PRELID2: variants seen among roughly 807,000 people sequenced by gnomAD.
The protein encoded by PRELID2 is PRELI domain containing 2.
A neutral mutation model predicts 28.4 loss-of-function variants in PRELID2; 25 were observed. The observed-to-expected ratio is 0.88, with a 90% confidence interval of 0.64 to 1.23. PRELID2 has a LOEUF of 1.23. PRELID2 is among the 50% of genes most tolerant of loss of function. The pLI is 0.00. For synonymous variants in PRELID2, 76 were observed against 71.6 expected, an observed-to-expected ratio of 1.06 and a Z score of -0.31; for missense variants, 201 against 214.4, an observed-to-expected ratio of 0.94 and a Z score of 0.39.
intron 1 of PRELID2, among the ~76,000 whole-genome samples, chr5:145,578,799 T>A (rs1753083822): frequency 6.6e-6 from 1 of 152,092 alleles, no homozygotes; most frequent in Non-Finnish European, 1.5e-5. Flanking sequence ...TGAATACACA[T>A]CAGTTTGCTG....
At chr5:145,557,490 AG>A (rs1336940881) in intron 1 of PRELID2, among the ~76,000 whole-genome samples, 1 of 152,202 alleles carries the variant, frequency 6.6e-6, no homozygotes, top group Non-Finnish European at 1.5e-5. Context: ...CTTCTGACTA[AG>A]AGAAAATGTC....
the PRELID2 span, among the ~76,000 whole-genome samples, chr5:145,327,714 T>C: frequency 6.6e-6 from 1 of 152,178 alleles, no homozygotes; most frequent in Non-Finnish European, 1.5e-5. Context: ...TTTGTGACTT[T>C]ATAATTTTTT....
At chr5:145,656,574 A>G (rs2149674475) in intron 1 of PRELID2, among the ~76,000 whole-genome samples, 1 of 152,192 alleles carries the variant, frequency 6.6e-6, no homozygotes, top group East Asian at 1.9e-4. Context: ...ATGCAGCCAT[A>G]AAAAATCATG....
intron 1 of PRELID2, among the ~76,000 whole-genome samples, chr5:145,601,712 C>T (rs964884571): frequency 2.6e-5 from 4 of 152,122 alleles, no homozygotes; most frequent in African/African-American, 9.7e-5. Flanking sequence ...CTGATCCAGG[C>T]AAGGTAGCTG....
chr5:145,540,012 T>C (rs1210332384), intron 1 of PRELID2, among the ~76,000 whole-genome samples: 1 of 151,818 alleles, frequency 6.6e-6, no homozygotes, highest in Non-Finnish European at 1.5e-5. Flanking sequence ...TATGTAAAAA[T>C]ATATATAATT....
rs146175114 is a variant in PRELID2, at chr5:145,647,953, G to A, written n.70+116978C>T. 4.1e-3 allele frequency among the ~76,000 whole-genome samples: 629 copies of A among 152,276 alleles called. 12 individuals carry two copies. The highest frequency in any genetic ancestry group is 9.6e-4 in the Non-Finnish European group (65 of 68,036). ...ACCCTGCTTGTGCAGCAGTCTCACC[G>A]GGAGCTGTAGACCAGAGCTGTTCCT... On this transcript the variant is annotated intron_variant and non_coding_transcript_variant, in intron 1 of 2. Coordinates refer to the PRELID2 transcript ENST00000510259.
chr5:145,831,897 A>G (rs763520578), intron 1 of PRELID2, among the ~76,000 whole-genome samples: 17 of 152,232 alleles, frequency 1.1e-4, no homozygotes, highest in Non-Finnish European at 1.9e-4. Flanking sequence ...ATACAGCTAC[A>G]TAAGTGACCT....
At chr5:145,420,211 C>A in the PRELID2 span, among the ~76,000 whole-genome samples, 3 of 152,044 alleles carry the variant, frequency 2.0e-5, no homozygotes, top group African/African-American at 4.8e-5. Context: ...CTTGGCGATG[C>A]GGGCTCTTTT....
the PRELID2 span, among the ~76,000 whole-genome samples, chr5:145,387,712 G>A: frequency 2.0e-5 from 3 of 152,062 alleles, no homozygotes; most frequent in African/African-American, 7.2e-5. Context: ...TGGGAGGATT[G>A]CTTCAGCCCA....
chr5:145,811,929 T>C (rs995348631), intron 4 of PRELID2, among the ~76,000 whole-genome samples: 1 of 152,208 alleles, frequency 6.6e-6, no homozygotes, highest in Non-Finnish European at 1.5e-5. Context: ...AAAGGTGTGC[T>C]GAGTCCCCTT....
the PRELID2 span, among the ~76,000 whole-genome samples, chr5:145,233,502 AC>A: frequency 6.6e-6 from 1 of 152,218 alleles, no homozygotes; most frequent in African/African-American, 2.4e-5. Context: ...AGTCACCACA[AC>A]CCTGTTGGAC....
At chr5:145,269,641 A>G in the PRELID2 span, among the ~76,000 whole-genome samples, 1 of 151,594 alleles carries the variant, frequency 6.6e-6, no homozygotes, top group Non-Finnish European at 1.5e-5. Flanking sequence ...CATAGAATCT[A>G]CCAAACTTTA....
chr5:145,415,821 G>A, the PRELID2 span, among the ~76,000 whole-genome samples: 13 of 151,930 alleles, frequency 8.6e-5, no homozygotes, highest in African/African-American at 2.7e-4. Flanking sequence ...GGGTCAAATC[G>A]TATTTCTAGT....
chr5:145,461,927 T>C, the PRELID2 span, among the ~76,000 whole-genome samples: 1 of 152,234 alleles, frequency 6.6e-6, no homozygotes, highest in Admixed American at 6.5e-5. Context: ...ACATGGACTA[T>C]GTATGCAGCA....
Position 145,530,146 on chromosome 5 carries a change from C to T in PRELID2, n.71-56831G>A, listed in dbSNP as rs147940406. ...CGCAGATCATACAGCAAGTGAGTAA[C>T]TCAAAATTCAAGACTACTGACTCCT... On this transcript the variant is annotated intron_variant and non_coding_transcript_variant, in intron 1 of 2. Coordinates refer to the PRELID2 transcript ENST00000510259. Among the ~76,000 whole-genome samples the T allele has an allele frequency of 7.5e-3, 1,137 of 152,196 alleles. 12 individuals carry two copies. The highest frequency in any genetic ancestry group is 0.025 in the African/African-American group (1,031 of 41,556).
At chr5:145,783,401 A>T (rs1751762739) in intron 5 of PRELID2, among the ~76,000 whole-genome samples, 1 of 152,228 alleles carries the variant, frequency 6.6e-6, no homozygotes, top group African/African-American at 2.4e-5. Context: ...TGCAAAAGCT[A>T]TGTTTCATCA....
chr5:145,507,624 T>C (rs186408530), intron 1 of PRELID2, among the ~76,000 whole-genome samples: 45 of 152,284 alleles, frequency 3.0e-4, no homozygotes, highest in African/African-American at 1.1e-3. Flanking sequence ...GATGGCTGCA[T>C]TCCCCCATGG....
At chr5:145,700,851 C>T (rs980468464) in intron 1 of PRELID2, among the ~76,000 whole-genome samples, 1 of 152,204 alleles carries the variant, frequency 6.6e-6, no homozygotes, top group Non-Finnish European at 1.5e-5. Flanking sequence ...TTTGGCAGTG[C>T]ATCTAACACC....
intron 4 of PRELID2, among the ~76,000 whole-genome samples, chr5:145,806,151 CTTAGA>C (rs1207488176): frequency 6.6e-6 from 1 of 151,924 alleles, no homozygotes; most frequent in Non-Finnish European, 1.5e-5. Context: ...ATAAATTAAA[CTTAGA>C]TTATTGTAAC....
Sources: gnomAD v4.1 joint callset for allele counts (sites outside exome capture counted in the v4.1 genomes callset) on GRCh38, gnomAD v4.1.1 for gene constraint, MANE v1.5 for transcripts, NCBI Gene and HGNC (gene_info 2026-07-23, HGNC 2026-07-21) for gene names.